Variants in COG3 observed in about 807,000 individuals in gnomAD.
COG3 encodes the protein component of oligomeric golgi complex 3.
COG3 carries 32 observed loss-of-function variants against 114.1 expected under a neutral mutation model. The ratio of observed to expected loss-of-function variants is 0.28; its 90% CI spans 0.21 to 0.38. The LOEUF (loss-of-function observed/expected upper bound fraction) is 0.38, where lower values mean the gene tolerates loss of function less well. Among genes scored for constraint, COG3 ranks in the 10% least tolerant of loss-of-function variants. COG3 has a pLI of 1.00. For missense variants in COG3, 813 were observed against 973.2 expected (o/e 0.84, Z 2.19); for synonymous variants, 352 against 365.7 (o/e 0.96, Z 0.43).
At position 45,465,085 on chromosome 13, in the gene COG3, G is replaced by A; in HGVS notation, c.49G>A (p.Asp17Asn). Residue 17 changes from aspartate (D) to asparagine (N), a missense_variant, in exon 1 of 23, where the codon GAC (aspartate) becomes AAC (asparagine). By Grantham distance (23) the Asp-to-Asn change is conservative. This residue lies in a region of COG3 where 424 missense variants were observed against 430.6 expected (regional missense o/e 0.98). Coordinates refer to ENST00000349995, the MANE Select transcript of COG3 (RefSeq NM_031431.4). ...LLLPEAAAER[D>N]AREKLALWDR... ...GCTGCCTGAGGCGGCGGCGGAGCGG[G>A]ACGCTAGGGAAAAGCTGGCTCTCTG... 5 of 1,608,040 alleles carry A rather than the reference G, an allele frequency of 3.1e-6. No individual in the cohort carries two copies. In the East Asian group the frequency reaches 8.9e-5, roughly 29 times the overall value.
chr13:45,467,505 T>C (rs1315869766), intron 1 of COG3, among the ~76,000 whole-genome samples: 1 of 152,204 alleles, frequency 6.6e-6, no homozygotes, highest in African/African-American at 2.4e-5. Flanking sequence ...GGCATGAGAA[T>C]CACTTGAACC....
intron 13 of COG3, among the ~76,000 whole-genome samples, chr13:45,499,060 C>G (rs950002387): frequency 6.6e-6 from 1 of 152,004 alleles, no homozygotes; most frequent in African/African-American, 2.4e-5. Flanking sequence ...TAGGTGTGCT[C>G]ATTTCTAGTG....
chr13:45,492,519 C>T (rs1566252431), intron 11 of COG3, among the ~76,000 whole-genome samples: 1 of 152,122 alleles, frequency 6.6e-6, no homozygotes, highest in Non-Finnish European at 1.5e-5. Context: ...AATTCTGTAG[C>T]CTCGGGATCT....
rs190896080 is a variant in COG3 at position 45,517,033 on chromosome 13, G to T, written c.1930+770G>T. Among the ~76,000 whole-genome samples the T allele has an allele frequency of 1.3e-3, 202 of 152,256 alleles. 1 individual carries two copies. Among genetic ancestry groups the T allele is most frequent in the Middle Eastern group, 6.8e-3 (2 of 294 alleles). ...AAGAGATGATTTCTAAAAGATCAGA[G>T]TAGTTAATTTTTAAGATAATTGATC... On this transcript the variant is annotated intron_variant, in intron 17 of 22. Transcript: ENST00000349995.
chr13:45,482,238 C>T (rs1886292199), intron 5 of COG3, 143 bp from the exon 6 acceptor site: 5 of 516,486 alleles, frequency 9.7e-6, no homozygotes, highest in South Asian at 8.3e-5. Context: ...GGGCTACATT[C>T]GAGGATATTT....
chr13:45,527,320 T>A (rs755688577), intron 20 of COG3, among the ~76,000 whole-genome samples: 2 of 152,230 alleles, frequency 1.3e-5, no homozygotes, highest in Non-Finnish European at 2.9e-5. Flanking sequence ...TGCTTTGTCA[T>A]TTAACCCAGT....
chr13:45,529,775 G>A lies in COG3; in HGVS notation c.2231-16G>A. ...TCTTTTTCTTTATGACACTAATGAG[G>A]TTACTTTATTTCCAGCAAAGGTCAA... On this transcript the variant is annotated splice_polypyrimidine_tract_variant and intron_variant, in intron 20 of 22. Coordinates refer to ENST00000349995, the MANE Select transcript of COG3 (RefSeq NM_031431.4). The A allele has an allele frequency of 6.3e-7, 1 of 1,592,786 alleles. No individual in the cohort carries two copies. Among genetic ancestry groups the A allele is most frequent in the Non-Finnish European group, 8.6e-7 (1 of 1,166,838 alleles).
At chr13:45,485,130 G>C (rs1455217939) in intron 7 of COG3, among the ~76,000 whole-genome samples, 2 of 149,824 alleles carry the variant, frequency 1.3e-5, no homozygotes, top group East Asian at 2.0e-4. Flanking sequence ...CCTCCCAGAC[G>C]GGGCGGTGGC....
intron 16 of COG3, among the ~76,000 whole-genome samples, chr13:45,512,983 C>T: frequency 1.5e-5 from 1 of 67,934 alleles, no homozygotes. Context: ...CCCACAGACC[C>T]TGAGATTTTT....
rs1433666498 is a variant in COG3, at chr13:45,530,684, T to C, written c.2361T>C (p.Asn787=). Residue 787 remains asparagine (N), a splice_region_variant and synonymous_variant, in exon 22 of 23, where the codon AAT becomes AAC. Transcript: ENST00000349995. ...TEFILFKPVR[N]NIQQVFQKFH... ...GATCTCCTCTCCTCCTTTCTAAGAATAATATTCAGCAAGTCTTCCAGAAGT... is the reference window on the plus strand; with the variant it reads ...GATCTCCTCTCCTCCTTTCTAAGAACAATATTCAGCAAGTCTTCCAGAAGT... The C allele has an allele frequency of 6.3e-7, 1 of 1,588,432 alleles. No individual in the cohort carries two copies. The highest frequency in any genetic ancestry group is 1.7e-4 in the Middle Eastern group (1 of 6,018).
intron 22 of COG3, among the ~76,000 whole-genome samples, chr13:45,532,639 G>A (rs967526374): frequency 1.5e-4 from 22 of 143,028 alleles, no homozygotes; most frequent in African/African-American, 5.7e-4. Context: ...GCGTGATCTC[G>A]GCTCACTGCA....
At chr13:45,527,698 T>C (rs1872812642) in intron 20 of COG3, among the ~76,000 whole-genome samples, 1 of 152,126 alleles carries the variant, frequency 6.6e-6, no homozygotes, top group African/African-American at 2.4e-5. Context: ...TTTTTAGGAA[T>C]TAGAGGACAC....
intron 1 of COG3, among the ~76,000 whole-genome samples, chr13:45,466,222 A>G (rs145897936): frequency 0.016 from 2,417 of 152,120 alleles, 26 homozygotes; most frequent in South Asian, 0.044. Flanking sequence ...TATTTTTAGT[A>G]GAGATGGGGT....
intron 7 of COG3, among the ~76,000 whole-genome samples, chr13:45,485,420 C>CCG (rs1886562747): frequency 8.8e-4 from 1 of 1,142 alleles, no homozygotes; most frequent in African/African-American, 3.7e-3. Context: ...TGACCCCCCC[C>CCG]ACCTCCCTCC....
At chr13:45,495,026 A>G (rs1349350703) in intron 12 of COG3, among the ~76,000 whole-genome samples, 4 of 147,122 alleles carry the variant, frequency 2.7e-5, no homozygotes, top group Non-Finnish European at 6.0e-5. Context: ...TTGTATTTTT[A>G]GTAGAGATGG....
In COG3 at chr13:45,536,210, A is replaced by G. The variant is rs1481904393; in HGVS notation, c.*1479A>G. The G allele has an allele frequency of 1.3e-5, 2 of 152,270 alleles. No individual in the cohort carries two copies. Among genetic ancestry groups the G allele is most frequent in the East Asian group, 1.9e-4 (1 of 5,204 alleles). 9.4% of individuals were successfully genotyped at this position (152,270 alleles called of 1,614,324 possible). On this transcript the variant is annotated 3_prime_UTR_variant, in exon 23 of 23. Coordinates refer to ENST00000349995, the MANE Select transcript of COG3 (RefSeq NM_031431.4). The stretch of plus-strand genomic sequence containing the variant: ...ATTTACTTAACTGTTTTTTAAATAC[A>G]TGTTTAATGAAATAAACTGTAAAAT...
At chr13:45,510,293 A>T (rs1342015995) in intron 15 of COG3, among the ~76,000 whole-genome samples, 1 of 152,214 alleles carries the variant, frequency 6.6e-6, no homozygotes, top group East Asian at 1.9e-4. Flanking sequence ...TAAAATGCAT[A>T]ATTGCTGGGC....
At chr13:45,476,484 T>G (rs1415542505) in intron 2 of COG3, 137 bp downstream of exon 2, 1 of 886,484 alleles carries the variant, frequency 1.1e-6, no homozygotes, top group African/African-American at 1.7e-5. Context: ...TTCTTGATTT[T>G]GCATTAGTTG....
intron 2 of COG3, among the ~76,000 whole-genome samples, chr13:45,477,840 A>G (rs1272248141): frequency 3.9e-5 from 6 of 151,982 alleles, no homozygotes; most frequent in African/African-American, 1.2e-4. Context: ...GTTAGCCAGG[A>G]TGATCTCAAT....
Sources: gnomAD v4.1 joint callset for allele counts (sites outside exome capture counted in the v4.1 genomes callset) on GRCh38, gnomAD v4.1.1 for gene constraint, gnomAD v4.1.1 regional missense constraint, MANE v1.5 for transcripts, NCBI Gene and HGNC (gene_info 2026-07-23, HGNC 2026-07-21) for gene names.